C2CD3: variants seen among roughly 807,000 people sequenced by gnomAD.
The protein encoded by C2CD3 is C2 domain containing 3 centriole elongation regulator.
C2CD3 carries 148 observed loss-of-function variants against 234.0 expected under a neutral mutation model. That is an observed-to-expected ratio of 0.63 (90% confidence interval 0.55 to 0.72). C2CD3 has a LOEUF of 0.72. Among genes scored for constraint, C2CD3 ranks in the 30% least tolerant of loss-of-function variants. C2CD3 has a pLI of 0.00. For missense variants in C2CD3, 2,577 were observed against 2,811.5 expected (o/e 0.92, Z 1.89); for synonymous variants, 1,000 against 1,035.4 (o/e 0.97, Z 0.66).
At position 74,161,486 on chromosome 11, in the gene C2CD3, A is replaced by C. The variant is rs1355165842; in HGVS notation, c.396T>G (p.Asn132Lys). 1.9e-6 allele frequency: 3 copies of C among 1,602,052 alleles called. No individual in the cohort carries two copies. The highest frequency in any genetic ancestry group is 1.3e-5 in the African/African-American group (1 of 74,294). The stretch of plus-strand genomic sequence containing the variant: ...GGGTTGGAGAAAGTTGAGCTAGTCC[A>C]TTGATCTGAACTCTACCAATTGGAA... ...DGLPIGRVQI[N>K]GLAQLSPTHQ... Residue 132 changes from asparagine (N) to lysine (K), a missense_variant, in exon 3 of 33, where the codon AAT (asparagine) becomes AAG (lysine). Physicochemically the swap from Asn to Lys is moderately conservative, Grantham distance 94. Coordinates refer to ENST00000334126, the MANE Select transcript of C2CD3 (RefSeq NM_001286577.2).
chr11:74,037,552 C>A lies in C2CD3; in HGVS notation c.5807G>T (p.Ser1936Ile), dbSNP rs1236251140. 1 of 1,613,984 alleles carries A rather than the reference C, an allele frequency of 6.2e-7. No individual in the cohort carries two copies. The highest frequency in any genetic ancestry group is 1.3e-5 in the African/African-American group (1 of 74,884). ...GATACACTGGCTCCCAGGGTCTAGG[C>A]TGCTGGCACCTGGCCCAAGATGGTC... ...CRDHLGPGAS[S>I]LDPGSQCILE... Residue 1936 changes from serine (S) to isoleucine (I), a missense_variant, in exon 30 of 33, where the codon AGC becomes ATC. Coordinates refer to ENST00000334126, the MANE Select transcript of C2CD3 (RefSeq NM_001286577.2).
At chr11:74,119,368 G>C (rs1235816651) in intron 8 of C2CD3, among the ~76,000 whole-genome samples, 1 of 152,056 alleles carries the variant, frequency 6.6e-6, no homozygotes, top group African/African-American at 2.4e-5. Context: ...GGCAGCTACT[G>C]CAATGGACTG....
At chr11:74,102,319 C>T (rs983714646) in intron 14 of C2CD3, among the ~76,000 whole-genome samples, 1 of 152,158 alleles carries the variant, frequency 6.6e-6, no homozygotes, top group Non-Finnish European at 1.5e-5. Context: ...ATTGAATACC[C>T]AGTATGTGCC....
chr11:74,031,632 T>A (rs1333833509), intron 31 of C2CD3, among the ~76,000 whole-genome samples: 1 of 152,148 alleles, frequency 6.6e-6, no homozygotes, highest in Non-Finnish European at 1.5e-5. Context: ...GTCTCCTATC[T>A]CATAATGGGA....
intron 32 of C2CD3, among the ~76,000 whole-genome samples, chr11:74,014,351 A>G (rs976835414): frequency 6.6e-5 from 10 of 152,198 alleles, no homozygotes; most frequent in African/African-American, 2.4e-4. Flanking sequence ...ACTTCATGGC[A>G]TGCAGCTTGC....
intron 30 of C2CD3, chr11:74,036,577 CCTGTGTAGAAT>C (rs1295802506): frequency 2.2e-6 from 1 of 452,448 alleles, no homozygotes; most frequent in African/African-American, 2.0e-5. Context: ...CTTCTTCATC[CCTGTGTAGAAT>C]CTACACATTT....
At chr11:74,124,372 C>A (rs1008009226) in intron 7 of C2CD3, among the ~76,000 whole-genome samples, 1 of 152,260 alleles carries the variant, frequency 6.6e-6, no homozygotes, top group South Asian at 2.1e-4. Flanking sequence ...CCCTTCCTCA[C>A]CTTTCCTTAG....
At chr11:74,080,028 A>G (rs1591412799) in intron 22 of C2CD3, among the ~76,000 whole-genome samples, 1 of 152,254 alleles carries the variant, frequency 6.6e-6, no homozygotes. Context: ...GTTTTAATAA[A>G]AGTTTACATA....
At chr11:74,091,051 G>C in intron 19 of C2CD3, 115 bp from the exon 20 acceptor site, 1 of 986,322 alleles carries the variant, frequency 1.0e-6, no homozygotes, top group Non-Finnish European at 1.5e-6. Context: ...CGAACAATAA[G>C]GGCAATGAGA....
Position 74,098,193 on chromosome 11 carries a change from T to C in C2CD3, c.2795A>G (p.Tyr932Cys). The change falls in exon 16 of 33, where the codon TAC (tyrosine) becomes TGC (cysteine). Residue 932 changes from tyrosine (Y) to cysteine (C), a missense_variant. Transcript: ENST00000334126. ...AQYPVVAVDS[Y>C]MPVIDVFSGH... ...TGAAAACACATCAATCACAGGCATG[T>C]AGCTGTCGACAGCAACAACTGGGTA... 1 of 1,614,092 alleles carries C rather than the reference T, an allele frequency of 6.2e-7. No homozygotes were observed. Among genetic ancestry groups the C allele is most frequent in the Non-Finnish European group, 8.5e-7 (1 of 1,179,934 alleles).
At position 74,037,578 on chromosome 11, in the gene C2CD3, C is replaced by T; in HGVS notation, c.5781G>A (p.Arg1927=). 6.2e-7 allele frequency: 1 copy of T among 1,614,100 alleles called. No homozygotes were observed. Among genetic ancestry groups the T allele is most frequent in the Non-Finnish European group, 8.5e-7 (1 of 1,180,004 alleles). ...TGCTGGCACCTGGCCCAAGATGGTC[C>T]CTACAGCTCTCCTGGTGCTGTGAGA... ...TAISQHQESC[R]DHLGPGASSL... The change falls in exon 30 of 33, where the codon AGG becomes AGA. Residue 1927 remains arginine, a synonymous_variant. Transcript: ENST00000334126.
Position 74,049,499 on chromosome 11 carries a change from T to C in C2CD3, c.5199A>G (p.Pro1733=). ...VIGFASVDLS[P]LLSGFQFVCG... ...AGACAAACTGGAAGCCAGAGAGAAG[T>C]GGGGAGAGGTCCACCGAGGCAAAGC... Residue 1733 remains proline, a synonymous_variant, in exon 27 of 33, where the codon CCA becomes CCG. Coordinates refer to ENST00000334126, the MANE Select transcript of C2CD3 (RefSeq NM_001286577.2). The C allele has an allele frequency of 6.2e-7, 1 of 1,612,668 alleles. No homozygotes were observed. Among genetic ancestry groups the C allele is most frequent in the Non-Finnish European group, 8.5e-7 (1 of 1,179,962 alleles).
intron 30 of C2CD3, among the ~76,000 whole-genome samples, chr11:74,035,194 T>A (rs1952678403): frequency 6.6e-6 from 1 of 152,188 alleles, no homozygotes; most frequent in Admixed American, 6.5e-5. Flanking sequence ...TTTAATATTA[T>A]ACACTGATGA....
chr11:74,079,522 T>C (rs549030989), intron 22 of C2CD3, among the ~76,000 whole-genome samples: 1 of 151,402 alleles, frequency 6.6e-6, no homozygotes, highest in South Asian at 2.1e-4. Flanking sequence ...CCACTGCACC[T>C]GGACAAAAAC....
At chr11:74,135,906 G>T (rs1162368557) in intron 5 of C2CD3, among the ~76,000 whole-genome samples, 1 of 152,028 alleles carries the variant, frequency 6.6e-6, no homozygotes, top group Non-Finnish European at 1.5e-5. Context: ...TTATAAATGG[G>T]AGCTAAAAAC....
intron 22 of C2CD3, 37 bp downstream of exon 22, chr11:74,084,844 A>G (rs780473429): frequency 2.1e-5 from 26 of 1,210,782 alleles, no homozygotes; most frequent in Non-Finnish European, 3.1e-5. Context: ...TGAAAGGGAA[A>G]GGGTGGCATC....
intron 24 of C2CD3, among the ~76,000 whole-genome samples, chr11:74,068,035 G>A (rs940327282): frequency 6.6e-6 from 1 of 152,146 alleles, no homozygotes; most frequent in African/African-American, 2.4e-5. Context: ...GAGAGCTTCT[G>A]ATTCTTAGAT....
In C2CD3 at chr11:74,114,421, C is replaced by T; in HGVS notation, c.1693G>A (p.Ala565Thr). The T allele has an allele frequency of 6.2e-7, 1 of 1,614,036 alleles. No individual in the cohort carries two copies. Among genetic ancestry groups the T allele is most frequent in the African/African-American group, 1.3e-5 (1 of 75,028 alleles). Residue 565 changes from alanine to threonine, a missense_variant, in exon 10 of 33, where the codon GCT becomes ACT. Transcript: ENST00000334126. ...PQMTPGKKSY[A>T]GPPPKVTTAK... ...GTAGTCACCTTAGGTGGTGGACCAG[C>T]ATAGCTTTTTTTGCCAGGGGTCATC...
intron 11 of C2CD3, among the ~76,000 whole-genome samples, chr11:74,112,946 T>C (rs761538171): frequency 1.3e-5 from 2 of 152,176 alleles, no homozygotes; most frequent in African/African-American, 2.4e-5. Context: ...CCATTAGATA[T>C]ATACCCAAGG....
Sources: gnomAD v4.1 joint callset for allele counts (sites outside exome capture counted in the v4.1 genomes callset) on GRCh38, gnomAD v4.1.1 for gene constraint, MANE v1.5 for transcripts, NCBI Gene and HGNC (gene_info 2026-07-23, HGNC 2026-07-21) for gene names.